The following SSX2IP variants were observed in gnomAD, a reference collection of about 807,000 sequenced individuals.
SSX2IP encodes SSX family member 2 interacting protein, also known as afadin- and alpha-actinin-binding protein.
In SSX2IP, 55 loss-of-function variants were observed where a neutral mutation model predicts 84.9. That is an observed-to-expected ratio of 0.65 (90% confidence interval 0.52 to 0.81). The LOEUF (loss-of-function observed/expected upper bound fraction) is 0.81, where lower values mean the gene tolerates loss of function less well. Ranked by LOEUF, SSX2IP falls within the 30% of genes least tolerant of loss-of-function variation. The pLI is 0.00. For missense variants in SSX2IP, 664 were observed against 705.2 expected (o/e 0.94, Z 0.66); for synonymous variants, 239 against 234.7 (o/e 1.02, Z -0.17).
Position 84,662,525 on chromosome 1 carries a change from C to G in SSX2IP, c.679G>C (p.Asp227His). The G allele has an allele frequency of 6.2e-7, 1 of 1,613,802 alleles. No individual in the cohort carries two copies. Among genetic ancestry groups the G allele is most frequent in the Non-Finnish European group, 8.5e-7 (1 of 1,179,810 alleles). ...MNKKDKKIAM[D>H]ILNYVGRADG... Reference sequence around the variant, plus strand: ...GCTCTCCCGACATAATTCAAAATGTCCATAGCTACAAACATGAACACATAA... The same window carrying G: ...GCTCTCCCGACATAATTCAAAATGTGCATAGCTACAAACATGAACACATAA... Residue 227 changes from aspartate to histidine, a missense_variant, in exon 7 of 14, where the codon GAC becomes CAC. Transcript: ENST00000342203.
intron 13 of SSX2IP, chr1:84,650,103 G>C: frequency 1.6e-6 from 1 of 618,442 alleles, no homozygotes; most frequent in Non-Finnish European, 2.9e-6. Context: ...TATCTTAAAT[G>C]TGAAATAAAA....
Position 84,682,368 on chromosome 1 carries a change from T to G in SSX2IP, c.-90+8003A>C, listed in dbSNP as rs913945926. 7.2e-5 allele frequency among the ~76,000 whole-genome samples: 11 copies of G among 152,296 alleles called. No homozygotes were observed. The East Asian group carries it at 2.1e-3, about 29-fold the overall frequency. Reference sequence around the variant, plus strand: ...AACCTTGAACCGGTCATAATTTCTTTGGGTTTCAATTATGAAGTCAAACTA... The same window carrying G: ...AACCTTGAACCGGTCATAATTTCTTGGGGTTTCAATTATGAAGTCAAACTA... On this transcript the variant is annotated intron_variant, in intron 1 of 13. Transcript: ENST00000342203.
At chr1:84,681,190 C>T (rs1655032769) in intron 1 of SSX2IP, among the ~76,000 whole-genome samples, 1 of 152,152 alleles carries the variant, frequency 6.6e-6, no homozygotes, top group Admixed American at 6.5e-5. Context: ...AATCTTTCCA[C>T]TAAACAATCA....
chr1:84,671,560 C>T (rs967779298), intron 1 of SSX2IP, among the ~76,000 whole-genome samples: 2 of 152,104 alleles, frequency 1.3e-5, no homozygotes, highest in African/African-American at 4.8e-5. Context: ...ACATGGTACA[C>T]GATTTGACTC....
At chr1:84,670,311 C>T (rs1653377212) in intron 3 of SSX2IP, 1 of 182,342 alleles carries the variant, frequency 5.5e-6, no homozygotes, top group Non-Finnish European at 1.1e-5. Context: ...GGTCAATATC[C>T]CAAAGGACAA....
chr1:84,664,414 T>C lies in SSX2IP; in HGVS notation c.673+3A>G, dbSNP rs183260299. 4 of 1,573,160 alleles carry C rather than the reference T, an allele frequency of 2.5e-6. No homozygotes were observed. The highest frequency in any genetic ancestry group is 2.0e-5 in the Admixed American group (1 of 50,546). On this transcript the variant is annotated splice_donor_region_variant and intron_variant, in intron 6 of 13. Transcript: ENST00000342203. Reference sequence around the variant, plus strand: ...TCTTAGCTGATCTTTGCCAGCTGTTTACCTATTTTCTTATCTTTCTTGTTC... The same window carrying C: ...TCTTAGCTGATCTTTGCCAGCTGTTCACCTATTTTCTTATCTTTCTTGTTC...
In SSX2IP at chr1:84,645,943, T is replaced by G. The variant is rs1395990374; in HGVS notation, c.*1490A>C. On this transcript the variant is annotated 3_prime_UTR_variant, in exon 14 of 14. Transcript: ENST00000342203. Reference sequence around the variant, plus strand: ...GTCTCATAAGACACTCTTAATGATATCCTATCAGCCCTGAAAAAATGGCTG... The same window carrying G: ...GTCTCATAAGACACTCTTAATGATAGCCTATCAGCCCTGAAAAAATGGCTG... 1 of 152,174 alleles carries G rather than the reference T, an allele frequency of 6.6e-6. No homozygotes were observed. Among genetic ancestry groups the G allele is most frequent in the Non-Finnish European group, 1.5e-5 (1 of 68,038 alleles). The allele number at this position is 152,174 out of a possible 1,614,324, so 9.4% of individuals were successfully genotyped here.
At chr1:84,688,777 A>G (rs1370452438) in intron 1 of SSX2IP, among the ~76,000 whole-genome samples, 3 of 152,216 alleles carry the variant, frequency 2.0e-5, no homozygotes, top group African/African-American at 7.2e-5. Flanking sequence ...ATTTCATCCT[A>G]GAATAACTAA....
Position 84,670,863 on chromosome 1 carries a change from T to G in SSX2IP, c.44-48A>C, listed in dbSNP as rs371568019. 1.6e-4 allele frequency: 229 copies of G among 1,461,162 alleles called. No homozygotes were observed. In the African/African-American group the frequency reaches 2.4e-3, roughly 15 times the overall value. 90.5% of individuals were successfully genotyped at this position (1,461,162 alleles called of 1,614,324 possible). On this transcript the variant is annotated intron_variant, in intron 2 of 13. Coordinates refer to ENST00000342203, the MANE Select transcript of SSX2IP (RefSeq NM_001166293.2). ...TATAAATAATTTAGAAAAACGTATG[T>G]AAAGCTAACATAATCGCCATTACTA...
Position 84,655,464 on chromosome 1 carries a change from CT to C in SSX2IP, c.1389+367del, listed in dbSNP as rs34993595. The stretch of plus-strand genomic sequence containing the variant: ...AGAACTTAATTTTTTATTATACTTC[CT>C]TTTTAAACAGCAAATATAGTCTTGG... On this transcript the variant is annotated intron_variant, in intron 11 of 13. Transcript: ENST00000342203. 2.3e-6 allele frequency: 3 copies of C among 1,297,208 alleles called. No individual in the cohort carries two copies. The African/African-American group carries it at 4.5e-5, about 20-fold the overall frequency. The allele number at this position is 1,297,208 out of a possible 1,614,324, so 80.4% of individuals were successfully genotyped here. A position where few individuals can be genotyped will look rare whatever the true frequency, so the allele number is the denominator to read the frequency against.
chr1:84,644,710 T>C lies in SSX2IP; in HGVS notation c.*2723A>G, dbSNP rs926827125. 1.3e-5 allele frequency: 2 copies of C among 152,184 alleles called. No homozygotes were observed. The highest frequency in any genetic ancestry group is 3.9e-4 in the East Asian group (2 of 5,194). 9.4% of individuals were successfully genotyped at this position (152,184 alleles called of 1,614,324 possible). ...GCAGTCAAGACTAGATTCACGGTGCTCTCTTCATCATGCGCACAAAATGTG... is the reference window on the plus strand; with the variant it reads ...GCAGTCAAGACTAGATTCACGGTGCCCTCTTCATCATGCGCACAAAATGTG... On this transcript the variant is annotated 3_prime_UTR_variant, in exon 14 of 14. Transcript: ENST00000342203.
At chr1:84,665,695 T>C (rs973439446) in intron 5 of SSX2IP, among the ~76,000 whole-genome samples, 7 of 152,204 alleles carry the variant, frequency 4.6e-5, no homozygotes, top group Non-Finnish European at 1.0e-4. Context: ...TCTGTGCCCA[T>C]TTAATGAAGA....
chr1:84,680,963 C>T (rs540300627), intron 1 of SSX2IP, among the ~76,000 whole-genome samples: 2 of 152,102 alleles, frequency 1.3e-5, no homozygotes, highest in East Asian at 3.9e-4. Flanking sequence ...CATTCTGAAC[C>T]ACCAAAACCA....
chr1:84,684,778 GC>G (rs1207256597), intron 1 of SSX2IP, among the ~76,000 whole-genome samples: 1 of 152,092 alleles, frequency 6.6e-6, no homozygotes, highest in Non-Finnish European at 1.5e-5. Flanking sequence ...GGAATATTAT[GC>G]AGTAATCAGA....
chr1:84,655,327 A>G, intron 11 of SSX2IP: 1 of 1,081,322 alleles, frequency 9.2e-7, no homozygotes, highest in Non-Finnish European at 1.1e-6. Flanking sequence ...TTTTAACCTT[A>G]TTCAGACATT....
chr1:84,654,051 C>T (rs955524712), intron 11 of SSX2IP, among the ~76,000 whole-genome samples: 2 of 151,684 alleles, frequency 1.3e-5, no homozygotes, highest in East Asian at 3.9e-4. Context: ...AGAGAATATC[C>T]CAGAATTGAG....
Position 84,647,601 on chromosome 1 carries a change from G to C in SSX2IP, c.1677C>G (p.Ile559Met). Residue 559 changes from isoleucine (I) to methionine (M), a missense_variant, in exon 14 of 14, where the codon ATC becomes ATG. Coordinates refer to ENST00000342203, the MANE Select transcript of SSX2IP (RefSeq NM_001166293.2). The part of the protein sequence containing the change: ...TRSCISEHSS[I>M]NVLNITAEEI... ...CTTCAGCAGTTATATTCAGTACATT[G>C]ATTGAACTGTTGGGAAAAGAAAGGC... 1 of 1,590,396 alleles carries C rather than the reference G, an allele frequency of 6.3e-7. No individual in the cohort carries two copies. Among genetic ancestry groups the C allele is most frequent in the Non-Finnish European group, 8.6e-7 (1 of 1,167,040 alleles).
intron 4 of SSX2IP, among the ~76,000 whole-genome samples, chr1:84,668,421 C>A (rs1339935360): frequency 6.6e-6 from 1 of 152,068 alleles, no homozygotes; most frequent in African/African-American, 2.4e-5. Context: ...CCCCAGTCAG[C>A]CAAGACACAT....
intron 1 of SSX2IP, among the ~76,000 whole-genome samples, chr1:84,688,227 T>C (rs961223551): frequency 6.6e-6 from 1 of 152,232 alleles, no homozygotes; most frequent in East Asian, 1.9e-4. Context: ...TGCATTTCTC[T>C]ATTCTATCTC....
Sources: gnomAD v4.1 joint callset for allele counts (sites outside exome capture counted in the v4.1 genomes callset) on GRCh38, gnomAD v4.1.1 for gene constraint, MANE v1.5 for transcripts, NCBI Gene and HGNC (gene_info 2026-07-23, HGNC 2026-07-21) for gene names.